The following PHF3 variants were observed in gnomAD, a reference collection of about 807,000 sequenced individuals.
PHF3 encodes the protein PHD finger protein 3.
Under a neutral mutation model 178.4 loss-of-function variants are expected in PHF3, and 41 were observed. The observed-to-expected ratio is 0.23, with a 90% CI of 0.18 to 0.30. The LOEUF (loss-of-function observed/expected upper bound fraction) is 0.30, where lower values mean the gene tolerates loss of function less well. Ranked by LOEUF, PHF3 falls within the 10% of genes least tolerant of loss-of-function variation. The pLI, the probability that PHF3 is intolerant of heterozygous loss-of-function variation, is 1.00. For missense variants in PHF3, 2,346 were observed against 2,398.1 expected (o/e 0.98, Z 0.45); for synonymous variants, 842 against 800.5 (o/e 1.05, Z -0.88).
In PHF3 at chr6:63,717,095, C is replaced by T. The variant is rs185558742; in HGVS notation, c.*3387C>T. Among the ~76,000 whole-genome samples, 3 of 152,056 alleles carry T rather than the reference C, an allele frequency of 2.0e-5. No individual in the cohort carries two copies. The highest frequency in any genetic ancestry group is 2.0e-4 in the Admixed American group (3 of 15,240). ...AGAATAGCTAAGGCTATAGTAAATA[C>T]ATGTGAAAAATTTAAGAACAATAAC... On this transcript the variant is annotated 3_prime_UTR_variant, in exon 16 of 16. Transcript: ENST00000262043.
chr6:63,659,286 A>G (rs1043639239), intron 2 of PHF3, among the ~76,000 whole-genome samples: 3 of 152,212 alleles, frequency 2.0e-5, no homozygotes, highest in Admixed American at 1.3e-4. Flanking sequence ...AATCAAATTA[A>G]CCATCACAGT....
Position 63,681,364 on chromosome 6 carries a change from G to T in PHF3, c.406+1203G>T, listed in dbSNP as rs190983599. Among the ~76,000 whole-genome samples, 43 of 152,060 alleles carry T rather than the reference G, an allele frequency of 2.8e-4. 1 individual carries two copies. Among genetic ancestry groups the T allele is most frequent in the African/African-American group, 1.0e-3 (42 of 41,518 alleles). On this transcript the variant is annotated intron_variant, in intron 3 of 15. Transcript: ENST00000262043. The stretch of plus-strand genomic sequence containing the variant: ...CTGAAAAATGTTATTGTTCAATTCC[G>T]GGAAAATTTTTCAAATTATTTCATT...
At chr6:63,706,339 T>A in intron 12 of PHF3, 115 bp downstream of exon 12, 1 of 734,122 alleles carries the variant, frequency 1.4e-6, no homozygotes, top group Non-Finnish European at 2.2e-6. Flanking sequence ...TTTGAGAAAA[T>A]AACTGTACTT....
chr6:63,703,738 A>G (rs1021038822), intron 11 of PHF3, 67 bp downstream of exon 11: 16 of 1,446,064 alleles, frequency 1.1e-5, no homozygotes, highest in African/African-American at 1.4e-5. Flanking sequence ...AGATACTAGT[A>G]TATGTAATTT....
intron 4 of PHF3, 49 bp from the exon 5 acceptor site, chr6:63,691,688 T>G (rs1767008316): frequency 7.0e-7 from 1 of 1,438,114 alleles, no homozygotes; most frequent in Non-Finnish European, 9.4e-7. Context: ...TGACATAGAT[T>G]TTCTTGTTAA....
In PHF3 at chr6:63,706,851, C is replaced by G. The variant is rs908412805; in HGVS notation, c.3686C>G (p.Ser1229Cys). 4.3e-6 allele frequency: 7 copies of G among 1,613,966 alleles called. No homozygotes were observed. The highest frequency in any genetic ancestry group is 3.3e-5 in the South Asian group (3 of 91,062). The change falls in exon 13 of 16, where the codon TCT becomes TGT. Residue 1229 changes from serine to cysteine, a missense_variant. By Grantham distance (112) the Ser-to-Cys change is moderately radical (BLOSUM62 -1). Around this residue, in one of 8 missense-constraint regions of PHF3, gnomAD observed 205 missense variants for 212.4 expected, o/e 0.97. Transcript: ENST00000262043. ...TTTGTTACCAAAGCCTATCCAGTAT[C>G]TGGCTCCCCAGAATACCTGACAGAG... ...AKFVTKAYPV[S>C]GSPEYLTEDL...
rs988951372 is a variant in PHF3, at chr6:63,715,518, T to C, written c.*1810T>C. On this transcript the variant is annotated 3_prime_UTR_variant, in exon 16 of 16. Transcript: ENST00000262043. The stretch of plus-strand genomic sequence containing the variant: ...GGGAATATCAGACTCCAGATTTCTT[T>C]TGCAAGATGAAAGTAAAAACGAGTG... 3.9e-5 allele frequency: 6 copies of C among 152,198 alleles called. No individual in the cohort carries two copies. The highest frequency in any genetic ancestry group is 2.1e-4 in the South Asian group (1 of 4,838). The allele number at this position is 152,198 out of a possible 1,614,324, so 9.4% of individuals were successfully genotyped here.
At chr6:63,641,533 T>C (rs1764576805) in intron 1 of PHF3, among the ~76,000 whole-genome samples, 1 of 47,416 alleles carries the variant, frequency 2.1e-5, no homozygotes, top group African/African-American at 1.4e-4. Context: ...TGTGTATGTG[T>C]GTGTGTGTGT....
At position 63,708,902 on chromosome 6, in the gene PHF3, G is replaced by C. The variant is rs1767805310; in HGVS notation, c.3712-249G>C. Among the ~76,000 whole-genome samples the C allele has an allele frequency of 2.0e-5, 3 of 152,166 alleles. No homozygotes were observed. The South Asian group carries it at 6.2e-4, about 31-fold the overall frequency. ...TTCCCTTTCCCATCTTTCATAGTGAGATTGGGCATGAACTCAGACTCTTTC... is the reference window on the plus strand; with the variant it reads ...TTCCCTTTCCCATCTTTCATAGTGACATTGGGCATGAACTCAGACTCTTTC... On this transcript the variant is annotated intron_variant, in intron 13 of 15. Transcript: ENST00000262043.
At chr6:63,642,034 A>G (rs568863777) in intron 1 of PHF3, among the ~76,000 whole-genome samples, 1 of 152,294 alleles carries the variant, frequency 6.6e-6, no homozygotes, top group Non-Finnish European at 1.5e-5. Flanking sequence ...TGTTAGTATA[A>G]ACTAAACCTG....
chr6:63,651,494 CG>C (rs1252136436), intron 2 of PHF3, among the ~76,000 whole-genome samples: 1 of 151,934 alleles, frequency 6.6e-6, no homozygotes, highest in Non-Finnish European at 1.5e-5. Flanking sequence ...CCTGAGTAGC[CG>C]GGATTACAGG....
chr6:63,650,804 G>T (rs1228466501), intron 2 of PHF3, among the ~76,000 whole-genome samples: 1 of 152,098 alleles, frequency 6.6e-6, no homozygotes. Flanking sequence ...TTATGGCTTT[G>T]TGTTTCTCTT....
chr6:63,653,154 GTTTT>G (rs559811903), intron 2 of PHF3, among the ~76,000 whole-genome samples: 3 of 84,646 alleles, frequency 3.5e-5, no homozygotes, highest in Non-Finnish European at 8.3e-5. Flanking sequence ...ATGTTGGCTA[GTTTT>G]TTTTTTTTGT....
In PHF3 at chr6:63,721,331, T is replaced by C; in HGVS notation, c.*7623T>C. ...TATTTCCAGCCCAATCTGGCAAACA[T>C]CTGCAAGAAAAAGTTGTGCCATTTA... On this transcript the variant is annotated 3_prime_UTR_variant, in exon 16 of 16. Coordinates refer to ENST00000262043, the MANE Select transcript of PHF3 (RefSeq NM_001370348.2). 1 of 1,551,994 alleles carries C rather than the reference T, an allele frequency of 6.4e-7. No homozygotes were observed. Among genetic ancestry groups the C allele is most frequent in the Non-Finnish European group, 8.7e-7 (1 of 1,146,996 alleles).
chr6:63,661,846 G>A (rs1294117946), intron 2 of PHF3, among the ~76,000 whole-genome samples: 2 of 152,190 alleles, frequency 1.3e-5, no homozygotes, highest in Non-Finnish European at 2.9e-5. Flanking sequence ...TTTAGGCTCT[G>A]ATAGGAGTGT....
chr6:63,698,757 C>A, intron 8 of PHF3, 152 bp downstream of exon 8: 1 of 535,966 alleles, frequency 1.9e-6, no homozygotes, highest in South Asian at 3.6e-5. Flanking sequence ...AGTCTTTTTG[C>A]TACTGAATAA....
intron 2 of PHF3, among the ~76,000 whole-genome samples, chr6:63,664,516 G>T (rs573083391): frequency 6.6e-6 from 1 of 152,024 alleles, no homozygotes; most frequent in African/African-American, 2.4e-5. Context: ...GTATTTTTAC[G>T]TGTATTTATA....
At chr6:63,643,641 G>A (rs1434373743) in intron 1 of PHF3, among the ~76,000 whole-genome samples, 1 of 152,054 alleles carries the variant, frequency 6.6e-6, no homozygotes, top group African/African-American at 2.4e-5. Context: ...ATAAATAAAC[G>A]GTATTGTTAA....
chr6:63,660,465 T>G (rs1765419203), intron 2 of PHF3, among the ~76,000 whole-genome samples: 2 of 152,194 alleles, frequency 1.3e-5, no homozygotes, highest in African/African-American at 4.8e-5. Context: ...ACTTTATTCA[T>G]TTATTGAATG....
Sources: gnomAD v4.1 joint callset for allele counts (sites outside exome capture counted in the v4.1 genomes callset) on GRCh38, gnomAD v4.1.1 for gene constraint, gnomAD v4.1.1 regional missense constraint, MANE v1.5 for transcripts, NCBI Gene and HGNC (gene_info 2026-07-23, HGNC 2026-07-21) for gene names.